RBFOX1: variants seen among roughly 807,000 people sequenced by gnomAD.
RBFOX1 encodes RNA binding protein fox-1 homolog 1.
Under a neutral mutation model 57.7 loss-of-function variants are expected in RBFOX1, and 8 were observed. That is an observed-to-expected ratio of 0.14 (90% CI 0.08 to 0.25). The LOEUF (loss-of-function observed/expected upper bound fraction) is 0.25. Among genes scored for constraint, RBFOX1 ranks in the 10% least tolerant of loss-of-function variants. The pLI is 1.00. For synonymous variants in RBFOX1, 326 were observed against 222.4 expected (o/e 1.47, Z -4.15); for missense variants, 611 against 548.5 (o/e 1.11, Z -1.14).
rs116247413 is a variant in RBFOX1 at position 6,850,315 on chromosome 16, G to C, written c.-16+195665G>C. Among the ~76,000 whole-genome samples, 975 of 152,270 alleles carry C rather than the reference G, an allele frequency of 6.4e-3. 16 individuals carry two copies. Among genetic ancestry groups the C allele is most frequent in the African/African-American group, 0.022 (925 of 41,560 alleles). On this transcript the variant is annotated intron_variant, in intron 3 of 15. Transcript: ENST00000550418. ...ACAAATATTGACAGGTACGATGAAA[G>C]AATAAACTACGTTGTTCTACAAAAT...
At chr16:6,042,252 C>T (rs2095445087) in intron 1 of RBFOX1, among the ~76,000 whole-genome samples, 1 of 73,890 alleles carries the variant, frequency 1.4e-5, no homozygotes, top group Non-Finnish European at 3.3e-5. Flanking sequence ...AGGCACACAC[C>T]ACCATGCCCA....
intron 7 of RBFOX1, among the ~76,000 whole-genome samples, chr16:7,593,871 T>A (rs1437436907): frequency 1.3e-5 from 2 of 152,148 alleles, no homozygotes; most frequent in Non-Finnish European, 2.9e-5. Flanking sequence ...CGACAAATAA[T>A]CATCTACCCT....
At chr16:7,525,489 T>G (rs1246044257) in intron 5 of RBFOX1, among the ~76,000 whole-genome samples, 1 of 152,152 alleles carries the variant, frequency 6.6e-6, no homozygotes, top group African/African-American at 2.4e-5. Context: ...ATGTGGACAT[T>G]GATCAATTAC....
intron 1 of RBFOX1, among the ~76,000 whole-genome samples, chr16:6,296,339 C>A (rs1266204961): frequency 6.6e-6 from 1 of 152,144 alleles, no homozygotes; most frequent in Admixed American, 6.5e-5. Context: ...TCTCTAGCAG[C>A]CTCACTATAC....
intron 3 of RBFOX1, among the ~76,000 whole-genome samples, chr16:6,868,051 T>G (rs749956838): frequency 6.6e-6 from 1 of 152,210 alleles, no homozygotes; most frequent in African/African-American, 2.4e-5. Flanking sequence ...ATAGGTATTA[T>G]AGTAATGTTT....
At chr16:6,482,872 A>G (rs1047916897) in intron 2 of RBFOX1, among the ~76,000 whole-genome samples, 9 of 152,200 alleles carry the variant, frequency 5.9e-5, no homozygotes, top group African/African-American at 2.2e-4. Context: ...TAGCGTAAGT[A>G]ATTGGGAGTG....
intron 1 of RBFOX1, among the ~76,000 whole-genome samples, chr16:5,269,575 G>T (rs2062953221): frequency 6.6e-6 from 1 of 152,204 alleles, no homozygotes; most frequent in Non-Finnish European, 1.5e-5. Flanking sequence ...CAGCATGGGT[G>T]AACCTTCAAA....
At chr16:7,329,308 T>A (rs2096653575) in intron 4 of RBFOX1, among the ~76,000 whole-genome samples, 1 of 152,208 alleles carries the variant, frequency 6.6e-6, no homozygotes, top group Non-Finnish European at 1.5e-5. Flanking sequence ...CCTTTCACCT[T>A]GCTGTTTCTT....
intron 3 of RBFOX1, among the ~76,000 whole-genome samples, chr16:6,898,724 T>C (rs2067610504): frequency 6.6e-6 from 1 of 152,174 alleles, no homozygotes; most frequent in Non-Finnish European, 1.5e-5. Context: ...TGTGTGTATG[T>C]GTATGATACA....
Position 6,810,512 on chromosome 16 carries a change from C to G in RBFOX1, c.-16+155862C>G, listed in dbSNP as rs558830243. ...ATGAGTCTTGATTCTGTGAATGTCC[C>G]CATATGCCCCTCCAAAAACCTCTTT... On this transcript the variant is annotated intron_variant, in intron 3 of 15. Coordinates refer to ENST00000550418, the MANE Select transcript of RBFOX1 (RefSeq NM_018723.4). 1.4e-4 allele frequency among the ~76,000 whole-genome samples: 21 copies of G among 152,198 alleles called. No individual in the cohort carries two copies. The East Asian group carries it at 4.1e-3, about 29-fold the overall frequency.
Position 6,809,184 on chromosome 16 carries a change from C to G in RBFOX1, c.-16+154534C>G, listed in dbSNP as rs369846809. Among the ~76,000 whole-genome samples the G allele has an allele frequency of 1.6e-4, 24 of 152,284 alleles. 1 individual carries two copies. The East Asian group carries it at 2.3e-3, about 15-fold the overall frequency. On this transcript the variant is annotated intron_variant, in intron 3 of 15. Transcript: ENST00000550418. Reference sequence around the variant, plus strand: ...CTGTAAGTCATTTCCCTTTTTCTGTCTATGAATTTTCTTTCACCACCTTGG... The same window carrying G: ...CTGTAAGTCATTTCCCTTTTTCTGTGTATGAATTTTCTTTCACCACCTTGG...
chr16:6,572,348 T>C (rs1048944078), intron 2 of RBFOX1, among the ~76,000 whole-genome samples: 2 of 152,214 alleles, frequency 1.3e-5, no homozygotes, highest in Non-Finnish European at 2.9e-5. Flanking sequence ...AATGAGTATG[T>C]TCTGCTTTTA....
intron 4 of RBFOX1, among the ~76,000 whole-genome samples, chr16:5,870,391 AATG>A (rs1408056940): frequency 4.7e-5 from 7 of 148,976 alleles, no homozygotes; most frequent in African/African-American, 1.7e-4. Flanking sequence ...AAAAAAAAAA[AATG>A]AAGGCACTTG....
At chr16:7,017,872 C>G (rs1489666882) in intron 3 of RBFOX1, among the ~76,000 whole-genome samples, 1 of 152,138 alleles carries the variant, frequency 6.6e-6, no homozygotes, top group African/African-American at 2.4e-5. Flanking sequence ...GAATTGGAGT[C>G]TTCGAGGCTT....
intron 3 of RBFOX1, among the ~76,000 whole-genome samples, chr16:5,608,596 G>A (rs1001569514): frequency 6.6e-6 from 1 of 152,226 alleles, no homozygotes; most frequent in African/African-American, 2.4e-5. Context: ...TATAGGTAAA[G>A]CCTTAGGAGA....
intron 12 of RBFOX1, among the ~76,000 whole-genome samples, chr16:7,660,133 G>A (rs1387215679): frequency 6.6e-6 from 1 of 152,014 alleles, no homozygotes; most frequent in East Asian, 1.9e-4. Context: ...GTATAGTTTG[G>A]GCATTTTATA....
rs1052254208 is a variant in RBFOX1, at chr16:7,405,621, C to T, written c.28-112526C>T. 2.0e-5 allele frequency among the ~76,000 whole-genome samples: 3 copies of T among 152,186 alleles called. No homozygotes were observed. The East Asian group carries it at 5.8e-4, about 29-fold the overall frequency. On this transcript the variant is annotated intron_variant, in intron 4 of 15. Transcript: ENST00000550418. Reference sequence around the variant, plus strand: ...TGATGTGCCTTTGGATCTGCTCACACATTGTTATATTGGAGGAATCAGAGC... The same window carrying T: ...TGATGTGCCTTTGGATCTGCTCACATATTGTTATATTGGAGGAATCAGAGC...
At chr16:7,105,879 G>A (rs566025795) in intron 4 of RBFOX1, among the ~76,000 whole-genome samples, 3 of 152,094 alleles carry the variant, frequency 2.0e-5, no homozygotes, top group African/African-American at 4.8e-5. Flanking sequence ...TGAGAATGGA[G>A]GAGGTATTGT....
chr16:5,813,421 A>G (rs1314927600), intron 3 of RBFOX1, among the ~76,000 whole-genome samples: 1 of 152,106 alleles, frequency 6.6e-6, no homozygotes, highest in Non-Finnish European at 1.5e-5. Context: ...CTCAGTAACC[A>G]CTAATTTACT....
Sources: gnomAD v4.1 joint callset for allele counts (sites outside exome capture counted in the v4.1 genomes callset) on GRCh38, gnomAD v4.1.1 for gene constraint, MANE v1.5 for transcripts, NCBI Gene and HGNC (gene_info 2026-07-23, HGNC 2026-07-21) for gene names.